Variants in SYNJ2 observed in about 807,000 individuals in gnomAD.
SYNJ2 encodes the protein synaptojanin 2.
SYNJ2 carries 116 observed loss-of-function variants against 141.3 expected under a neutral mutation model. That is an observed-to-expected ratio of 0.82 (90% CI 0.71 to 0.96). The LOEUF (loss-of-function observed/expected upper bound fraction) is 0.96, where lower values mean the gene tolerates loss of function less well. SYNJ2 is among the 40% of genes least tolerant of loss of function. The pLI is 0.00. For synonymous variants in SYNJ2, 745 were observed against 777.7 expected (o/e 0.96, Z 0.70); for missense variants, 1,873 against 1,934.8 (o/e 0.97, Z 0.60).
chr6:158,066,625 C>T lies in SYNJ2; in HGVS notation c.1707C>T (p.Thr569=), dbSNP rs771643836. ...LLDSPQLSGA[T]DSQDDSSPAD... is the part of the protein sequence containing the mutation. ...ACTCGCCCCAGCTCTCGGGAGCTACCGACTCCCAGGGTGAGGGCAGTGACT... is the reference window on the plus strand; with the variant it reads ...ACTCGCCCCAGCTCTCGGGAGCTACTGACTCCCAGGGTGAGGGCAGTGACT... The change falls in exon 12 of 27, where the codon ACC becomes ACT. Residue 569 remains threonine, a synonymous_variant. Coordinates refer to ENST00000355585, the MANE Select transcript of SYNJ2 (RefSeq NM_003898.4). The T allele has an allele frequency of 1.1e-5, 18 of 1,613,376 alleles. No homozygotes were observed. The highest frequency in any genetic ancestry group is 4.4e-5 in the South Asian group (4 of 91,094).
chr6:158,085,663 C>T (rs1445013612), intron 22 of SYNJ2, among the ~76,000 whole-genome samples: 3 of 152,194 alleles, frequency 2.0e-5, no homozygotes, highest in South Asian at 2.1e-4. Context: ...TTGCCTATAC[C>T]GAACCATCAG....
intron 1 of SYNJ2, among the ~76,000 whole-genome samples, chr6:157,986,224 C>T (rs570395954): frequency 7.2e-5 from 11 of 152,334 alleles, no homozygotes; most frequent in African/African-American, 2.2e-4. Flanking sequence ...AGCAGCGACC[C>T]GGGACCACAG....
At chr6:158,088,884 C>G in intron 24 of SYNJ2, 112 bp downstream of exon 24, 1 of 748,808 alleles carries the variant, frequency 1.3e-6, no homozygotes, top group Non-Finnish European at 2.2e-6. Context: ...TCTACCTGCT[C>G]ACCATCTCAT....
In SYNJ2 at chr6:158,066,511, G is replaced by C; in HGVS notation, c.1593G>C (p.Arg531=). 1 of 1,614,232 alleles carries C rather than the reference G, an allele frequency of 6.2e-7. No homozygotes were observed. Among genetic ancestry groups the C allele is most frequent in the Non-Finnish European group, 8.5e-7 (1 of 1,180,050 alleles). The change falls in exon 12 of 27, where the codon CGG becomes CGC. Residue 531 remains arginine (R), a synonymous_variant. Coordinates refer to ENST00000355585, the MANE Select transcript of SYNJ2 (RefSeq NM_003898.4). The part of the protein sequence containing the change: ...QSEFTNFKRI[R]IAMGTWNVNG... ...AATTCACAAATTTCAAGCGGATCCG[G>C]ATTGCTATGGGGACCTGGAACGTGA...
intron 5 of SYNJ2, among the ~76,000 whole-genome samples, chr6:158,051,416 A>G (rs1380992259): frequency 2.6e-5 from 4 of 152,010 alleles, no homozygotes; most frequent in Non-Finnish European, 5.9e-5. Context: ...TAGTGCGACC[A>G]TGAAAGTTTT....
rs559987201 is a variant in SYNJ2, at chr6:157,983,950, C to G, written c.127+1862C>G. 9.2e-5 allele frequency among the ~76,000 whole-genome samples: 14 copies of G among 152,292 alleles called. No homozygotes were observed. In the South Asian group the frequency reaches 2.7e-3, roughly 29 times the overall value. ...TCAAGCGATCCTCCTGCCTCAGCCT[C>G]CTGAGTAGCTGGGACTATAGGCACA... On this transcript the variant is annotated intron_variant, in intron 1 of 26. Coordinates refer to ENST00000355585, the MANE Select transcript of SYNJ2 (RefSeq NM_003898.4).
chr6:158,092,519 A>C (rs973444664), intron 25 of SYNJ2, among the ~76,000 whole-genome samples: 2 of 152,222 alleles, frequency 1.3e-5, no homozygotes, highest in African/African-American at 4.8e-5. Flanking sequence ...TCACACCAGT[A>C]GTCCCAGCTA....
At chr6:158,092,681 C>T (rs543509740) in intron 25 of SYNJ2, among the ~76,000 whole-genome samples, 129 of 152,188 alleles carry the variant, frequency 8.5e-4, no homozygotes, top group South Asian at 1.5e-3. Context: ...GGGAGAATTG[C>T]TCGAGCCTGG....
rs1279475366 is a variant in SYNJ2 at position 158,097,073 on chromosome 6, A to G, written c.*709A>G. ...GTCTTAGACATTGCATGCCCTATCA[A>G]TTACTATAATCCTGAGCCATGGTGT... is the stretch of plus-strand genomic sequence containing the variant. On this transcript the variant is annotated 3_prime_UTR_variant, in exon 27 of 27. Coordinates refer to ENST00000355585, the MANE Select transcript of SYNJ2 (RefSeq NM_003898.4). 2.0e-5 allele frequency: 3 copies of G among 152,784 alleles called. No homozygotes were observed. Among genetic ancestry groups the G allele is most frequent in the East Asian group, 1.9e-4 (1 of 5,192 alleles). 9.5% of individuals were successfully genotyped at this position (152,784 alleles called of 1,614,324 possible).
chr6:158,053,074 C>T (rs1359485820), intron 5 of SYNJ2, among the ~76,000 whole-genome samples: 3 of 152,124 alleles, frequency 2.0e-5, no homozygotes, highest in South Asian at 2.1e-4. Flanking sequence ...TCCGTTAAGT[C>T]GAGGGTCCCT....
chr6:158,033,689 C>G lies in SYNJ2; in HGVS notation c.711+9C>G, dbSNP rs916345477. On this transcript the variant is annotated intron_variant, in intron 4 of 26. Transcript: ENST00000355585. Reference sequence around the variant, plus strand: ...TCGTGGAGACAGAGCAGGTGAGTGCCCAGGCCCATCTGTGGCACCAAATGG... The same window carrying G: ...TCGTGGAGACAGAGCAGGTGAGTGCGCAGGCCCATCTGTGGCACCAAATGG... The G allele has an allele frequency of 1.3e-6, 2 of 1,594,382 alleles. No homozygotes were observed.
intron 23 of SYNJ2, 50 bp downstream of exon 23, chr6:158,087,039 G>A (rs763577621): frequency 5.7e-6 from 9 of 1,569,000 alleles, no homozygotes; most frequent in African/African-American, 4.1e-5. Context: ...AGGAATAACC[G>A]CGCGTTCCCT....
chr6:158,049,781 C>A (rs757470917), intron 5 of SYNJ2, among the ~76,000 whole-genome samples: 1 of 151,882 alleles, frequency 6.6e-6, no homozygotes, highest in African/African-American at 2.4e-5. Flanking sequence ...CATGGCTCTG[C>A]AGGTATGCAC....
chr6:158,003,054 A>C (rs1186040269), intron 1 of SYNJ2, among the ~76,000 whole-genome samples: 1 of 151,962 alleles, frequency 6.6e-6, no homozygotes, highest in Non-Finnish European at 1.5e-5. Context: ...GGGAGGACCC[A>C]CCCTCCCCAC....
At position 158,095,866 on chromosome 6, in the gene SYNJ2, G is replaced by A. The variant is rs1562417076; in HGVS notation, c.3993G>A (p.Lys1331=). The A allele has an allele frequency of 2.4e-5, 39 of 1,614,150 alleles. No individual in the cohort carries two copies. Among genetic ancestry groups the A allele is most frequent in the Non-Finnish European group, 3.3e-5 (39 of 1,180,012 alleles). Residue 1331 remains lysine (K), a synonymous_variant, in exon 27 of 27, where the codon AAG becomes AAA. Coordinates refer to ENST00000355585, the MANE Select transcript of SYNJ2 (RefSeq NM_003898.4). ...TGGAGGCGCCGCCTCTTGTGCCCAA[G>A]GTACCCCCGAGGAGGAAGAAGTCAG... ...PPLEAPPLVP[K]VPPRRKKSAP...
intron 5 of SYNJ2, among the ~76,000 whole-genome samples, chr6:158,054,015 C>G (rs1478188099): frequency 1.3e-5 from 2 of 150,588 alleles, no homozygotes; most frequent in Non-Finnish European, 3.0e-5. Context: ...TCCATTCAGT[C>G]GCCCATCTAT....
chr6:158,054,506 A>G (rs1300274431), intron 5 of SYNJ2, among the ~76,000 whole-genome samples: 1 of 152,214 alleles, frequency 6.6e-6, no homozygotes, highest in East Asian at 1.9e-4. Flanking sequence ...GTATTAAATA[A>G]ATAGTTCTAT....
chr6:158,051,342 G>A (rs1780553652), intron 5 of SYNJ2, among the ~76,000 whole-genome samples: 1 of 152,010 alleles, frequency 6.6e-6, no homozygotes, highest in South Asian at 2.1e-4. Context: ...CTCTCATAGG[G>A]TGGCTGAGGG....
rs931154764 is a variant in SYNJ2 at position 158,088,687 on chromosome 6, C to T, written c.3371C>T (p.Ser1124Leu). Reference protein sequence around the residue: ...PTGLMVKKSASDASISSGTHG... With the variant: ...PTGLMVKKSALDASISSGTHG... ...GGTTTAATGGTGAAAAAGTCGGCTTCAGATGCGTCCATCTCCTCCGGCACC... is the reference window on the plus strand; with the variant it reads ...GGTTTAATGGTGAAAAAGTCGGCTTTAGATGCGTCCATCTCCTCCGGCACC... The change falls in exon 24 of 27, where the codon TCA (serine) becomes TTA (leucine). Residue 1124 changes from serine (S) to leucine (L), a missense_variant. Coordinates refer to ENST00000355585, the MANE Select transcript of SYNJ2 (RefSeq NM_003898.4). 3.1e-6 allele frequency: 5 copies of T among 1,614,062 alleles called. No homozygotes were observed. Among genetic ancestry groups the T allele is most frequent in the Non-Finnish European group, 4.2e-6 (5 of 1,179,994 alleles).
Sources: gnomAD v4.1 joint callset for allele counts (sites outside exome capture counted in the v4.1 genomes callset) on GRCh38, gnomAD v4.1.1 for gene constraint, MANE v1.5 for transcripts, NCBI Gene and HGNC (gene_info 2026-07-23, HGNC 2026-07-21) for gene names.